Variants in ZRSR2 observed in about 807,000 individuals in gnomAD.
The protein encoded by ZRSR2 is zinc finger CCCH-type, RNA binding motif and serine/arginine rich 2, also known as U2 small nuclear ribonucleoprotein auxiliary factor 35 kDa subunit-related protein 2.
A neutral mutation model predicts 39.4 loss-of-function variants in ZRSR2; 3 were observed. The observed-to-expected ratio is 0.08, with a 90% CI of 0.03 to 0.20. The LOEUF is 0.20. Among genes scored for constraint, ZRSR2 ranks in the 10% least tolerant of loss-of-function variants. The pLI, the probability that ZRSR2 is intolerant of heterozygous loss-of-function variation, is 1.00. For missense variants in ZRSR2, 256 were observed against 391.5 expected (o/e 0.65, Z 2.92); for synonymous variants, 137 against 136.0 (o/e 1.01, Z -0.05).
At position 15,791,130 on chromosome X, in the gene ZRSR2, G is replaced by A. The variant is rs1932262632; in HGVS notation, c.121+117G>A. The A allele has an allele frequency of 6.6e-6, 4 of 609,706 alleles. No individual in the cohort carries two copies. The Admixed American group carries it at 1.2e-4, about 19-fold the overall frequency. 50.2% of individuals were successfully genotyped at this position (609,706 alleles called of 1,213,427 possible). A position where few individuals can be genotyped will look rare whatever the true frequency, so the allele number is the denominator to read the frequency against. On this transcript the variant is annotated intron_variant, in intron 2 of 10. Transcript: ENST00000307771. ...ATATTGTGTCGGAGGAAAAATAGCT[G>A]TGACTTCTGCCCCCAAGTAGTTATT...
At chrX:15,806,151 A>G (rs964210895) in intron 5 of ZRSR2, among the ~76,000 whole-genome samples, 1 of 103,298 alleles carries the variant, frequency 9.7e-6, no homozygotes, top group Non-Finnish European at 2.0e-5. Flanking sequence ...AGAGAAGGGC[A>G]GTGGAGGAGG....
At chrX:15,796,784 G>GTTT (rs141175603) in intron 2 of ZRSR2, among the ~76,000 whole-genome samples, 24 of 39,909 alleles carry the variant, frequency 6.0e-4, no homozygotes, top group African/African-American at 2.8e-3. Context: ...GTTTCAAATC[G>GTTT]TTTTTTTTTT....
intron 7 of ZRSR2, among the ~76,000 whole-genome samples, chrX:15,813,329 T>C (rs995213025): frequency 8.9e-6 from 1 of 112,092 alleles, no homozygotes; most frequent in African/African-American, 3.2e-5. Flanking sequence ...AGGGAGCTAC[T>C]TTGAAAATAT....
At chrX:15,820,148 A>G in intron 9 of ZRSR2, 59 bp from the exon 10 acceptor site, 1 of 945,802 alleles carries the variant, frequency 1.1e-6, no homozygotes, top group African/African-American at 1.9e-5. Flanking sequence ...TTAATAGTAG[A>G]GCTAATCTAC....
At chrX:15,813,626 C>A (rs1208773473) in intron 7 of ZRSR2, among the ~76,000 whole-genome samples, 1 of 112,263 alleles carries the variant, frequency 8.9e-6, no homozygotes, top group Non-Finnish European at 1.9e-5. Flanking sequence ...ATCCTGGGAA[C>A]TAGGGCCAAG....
chrX:15,821,303 A>T (rs1933100806), intron 10 of ZRSR2, among the ~76,000 whole-genome samples: 1 of 106,212 alleles, frequency 9.4e-6, no homozygotes, highest in South Asian at 4.4e-4. Context: ...TGTGACCTTG[A>T]CTCCTCCAAA....
At chrX:15,794,139 G>A (rs1232319670) in intron 2 of ZRSR2, among the ~76,000 whole-genome samples, 5 of 111,752 alleles carry the variant, frequency 4.5e-5, no homozygotes, top group African/African-American at 9.8e-5. Flanking sequence ...AAATGCTTGC[G>A]TTGTATTTAC....
chrX:15,806,226 T>G (rs1601816679), intron 5 of ZRSR2, among the ~76,000 whole-genome samples: 1 of 73,709 alleles, frequency 1.4e-5, no homozygotes, highest in African/African-American at 5.5e-5. Flanking sequence ...AGGAGGTTGC[T>G]GAGGGAGAGG....
At chrX:15,818,698 T>G in intron 9 of ZRSR2, 56 bp downstream of exon 9, 2 of 941,706 alleles carry the variant, frequency 2.1e-6, no homozygotes, top group Non-Finnish European at 3.0e-6. Context: ...TTGTTCTGTT[T>G]CTGTTGATGT....
intron 2 of ZRSR2, among the ~76,000 whole-genome samples, chrX:15,793,022 T>C (rs757031530): frequency 3.6e-5 from 4 of 111,949 alleles, no homozygotes; most frequent in African/African-American, 1.3e-4. Context: ...CAACCTGTGT[T>C]AGCATTTCTG....
chrX:15,806,386 C>G (rs1932781164), intron 5 of ZRSR2, among the ~76,000 whole-genome samples: 1 of 111,234 alleles, frequency 9.0e-6, no homozygotes, highest in Non-Finnish European at 1.9e-5. Context: ...GGGAATGACT[C>G]TGTCTCATTT....
Position 15,809,394 on chromosome X carries a change from A to G in ZRSR2, c.557+76A>G, listed in dbSNP as rs769742125. Reference sequence around the variant, plus strand: ...CGTTTTTGAGTTCCCCTTTTGGGAGAGGCGCATGTTTCCATTTCAAATGTC... The same window carrying G: ...CGTTTTTGAGTTCCCCTTTTGGGAGGGGCGCATGTTTCCATTTCAAATGTC... On this transcript the variant is annotated intron_variant, in intron 7 of 10. Coordinates refer to ENST00000307771, the MANE Select transcript of ZRSR2 (RefSeq NM_005089.4). 5 of 727,951 alleles carry G rather than the reference A, an allele frequency of 6.9e-6. No homozygotes were observed. The Admixed American group carries it at 1.0e-4, about 15-fold the overall frequency. The allele number at this position is 727,951 out of a possible 1,213,427, so 60.0% of individuals were successfully genotyped here.
chrX:15,812,402 G>C (rs1043307743), intron 7 of ZRSR2, among the ~76,000 whole-genome samples: 1 of 112,191 alleles, frequency 8.9e-6, no homozygotes, highest in Non-Finnish European at 1.9e-5. Flanking sequence ...AGACTGCTCT[G>C]TTCCCTTTTT....
chrX:15,820,663 G>A (rs1313276949), intron 10 of ZRSR2, among the ~76,000 whole-genome samples: 1 of 112,131 alleles, frequency 8.9e-6, no homozygotes, highest in Non-Finnish European at 1.9e-5. Flanking sequence ...AGTTTCAGAG[G>A]TATTTTATAT....
intron 3 of ZRSR2, among the ~76,000 whole-genome samples, chrX:15,800,312 G>A (rs1932630898): frequency 9.4e-6 from 1 of 105,927 alleles, no homozygotes; most frequent in Non-Finnish European, 1.9e-5. Flanking sequence ...TCAGCCTTCC[G>A]AGTAGCTGGG....
At chrX:15,815,327 G>A (rs1048412531) in intron 7 of ZRSR2, among the ~76,000 whole-genome samples, 2 of 112,333 alleles carry the variant, frequency 1.8e-5, no homozygotes, top group Admixed American at 9.4e-5. Flanking sequence ...ACGGAGTTTC[G>A]CTCTTGTTGC....
Position 15,799,874 on chromosome X carries a change from C to T in ZRSR2, c.124C>T (p.Leu42Phe). ...QELARLRDSG[L>F]SQKEEEEDTF... ...AATAAAACATTTAAATTCCCTAGGA[C>T]TCTCACAGAAGGAGGAAGAGGAGGA... The change falls in exon 3 of 11, where the codon CTC (leucine) becomes TTC (phenylalanine). Residue 42 changes from leucine to phenylalanine, a missense_variant and splice_region_variant. Physicochemically the swap from Leu to Phe is conservative, Grantham distance 22. This residue lies in a region of ZRSR2 where 87 missense variants were observed against 111.7 expected (regional missense o/e 0.78). Coordinates refer to ENST00000307771, the MANE Select transcript of ZRSR2 (RefSeq NM_005089.4). The T allele has an allele frequency of 8.4e-7, 1 of 1,185,399 alleles. No individual in the cohort carries two copies. Among genetic ancestry groups the T allele is most frequent in the South Asian group, 1.8e-5 (1 of 54,245 alleles).
At chrX:15,816,880 T>C (rs1201818585) in intron 8 of ZRSR2, among the ~76,000 whole-genome samples, 1 of 111,762 alleles carries the variant, frequency 8.9e-6, no homozygotes, top group Non-Finnish European at 1.9e-5. Context: ...TTTTTTTTCC[T>C]CCTTAACCTT....
chrX:15,821,865 G>A (rs1933115105), intron 10 of ZRSR2, among the ~76,000 whole-genome samples: 1 of 111,375 alleles, frequency 9.0e-6, no homozygotes, highest in South Asian at 3.8e-4. Context: ...TCTCAAAATT[G>A]TTCGAATAGA....
Sources: allele counts gnomAD v4.1 joint callset (sites outside exome capture counted in the v4.1 genomes callset), GRCh38; gene constraint gnomAD v4.1.1; regional missense constraint gnomAD v4.1.1; transcripts MANE v1.5; gene names NCBI Gene and HGNC (gene_info 2026-07-23, HGNC 2026-07-21).